SPTBN1: variants seen among roughly 807,000 people sequenced by gnomAD.
SPTBN1 encodes the protein spectrin beta, non-erythrocytic 1.
Under a neutral mutation model 266.4 loss-of-function variants are expected in SPTBN1, and 32 were observed. That is an observed-to-expected ratio of 0.12 (90% CI 0.09 to 0.16). The LOEUF (loss-of-function observed/expected upper bound fraction) is 0.16, where lower values mean the gene tolerates loss of function less well. SPTBN1 is among the 10% of genes least tolerant of loss of function. The probability of loss-of-function intolerance (pLI) is 1.00; values close to 1 mark genes in which losing one functional copy is unlikely to be tolerated. For missense variants in SPTBN1, 2,296 were observed against 3,067.1 expected (o/e 0.75, Z 5.94); for synonymous variants, 1,336 against 1,162.2 (o/e 1.15, Z -3.04).
At chr2:54,625,562 G>T (rs1406403394) in intron 11 of SPTBN1, among the ~76,000 whole-genome samples, 2 of 149,536 alleles carry the variant, frequency 1.3e-5, no homozygotes, top group South Asian at 4.3e-4. Context: ...TGGAGGGGGG[G>T]TGGCGCGGGA....
At chr2:54,550,849 A>G (rs1246339363) in intron 2 of SPTBN1, among the ~76,000 whole-genome samples, 1 of 152,212 alleles carries the variant, frequency 6.6e-6, no homozygotes, top group East Asian at 1.9e-4. Flanking sequence ...GGTCCCTCCA[A>G]TAGCCTATGC....
chr2:54,525,702 C>T (rs560752809), intron 1 of SPTBN1, among the ~76,000 whole-genome samples: 3 of 152,330 alleles, frequency 2.0e-5, no homozygotes, highest in East Asian at 1.9e-4. Flanking sequence ...AGAAGCCCCA[C>T]GTAGGTGTTG....
chr2:54,644,768 C>T (rs1196578183), intron 20 of SPTBN1, among the ~76,000 whole-genome samples, 182 bp downstream of exon 20: 2 of 152,114 alleles, frequency 1.3e-5, no homozygotes, highest in Middle Eastern at 3.2e-3. Context: ...GACACTTGTC[C>T]AAACTAGAAA....
intron 2 of SPTBN1, among the ~76,000 whole-genome samples, chr2:54,595,015 G>A (rs1394148221): frequency 1.3e-5 from 2 of 151,894 alleles, no homozygotes; most frequent in Non-Finnish European, 2.9e-5. Context: ...TGTATTTTTA[G>A]TAGAGACAGA....
intron 1 of SPTBN1, among the ~76,000 whole-genome samples, chr2:54,521,489 T>A (rs1670436850): frequency 6.6e-6 from 1 of 152,162 alleles, no homozygotes; most frequent in Non-Finnish European, 1.5e-5. Context: ...GACACTTGAG[T>A]GAAACAGTTG....
At chr2:54,583,973 C>A (rs1675116976) in intron 2 of SPTBN1, among the ~76,000 whole-genome samples, 1 of 152,184 alleles carries the variant, frequency 6.6e-6, no homozygotes, top group Admixed American at 6.5e-5. Context: ...AAACAGAAAA[C>A]CAGCAGTGTA....
chr2:54,479,709 A>G (rs1198712957), intron 1 of SPTBN1, among the ~76,000 whole-genome samples: 1 of 152,238 alleles, frequency 6.6e-6, no homozygotes, highest in East Asian at 1.9e-4. Flanking sequence ...ATGCAATAAA[A>G]CATGTAAAGT....
intron 1 of SPTBN1, among the ~76,000 whole-genome samples, chr2:54,465,921 T>C (rs1188724399): frequency 6.6e-6 from 1 of 152,094 alleles, no homozygotes; most frequent in Non-Finnish European, 1.5e-5. Flanking sequence ...ATTAATGAAT[T>C]TCCATTAATT....
At chr2:54,602,938 G>A (rs925235213) in intron 3 of SPTBN1, among the ~76,000 whole-genome samples, 4 of 152,150 alleles carry the variant, frequency 2.6e-5, no homozygotes, top group Non-Finnish European at 5.9e-5. Flanking sequence ...ATGGAACCTC[G>A]TTGGGGTTTC....
rs775081478 is a variant in SPTBN1 at position 54,628,059 on chromosome 2, T to C, written c.1645-38T>C. 2 of 1,579,704 alleles carry C rather than the reference T, an allele frequency of 1.3e-6. No individual in the cohort carries two copies. The highest frequency in any genetic ancestry group is 1.2e-5 in the South Asian group (1 of 85,134). The stretch of plus-strand genomic sequence containing the variant: ...TGATGTGATGCTGAAGTCAAGGCTA[T>C]AGTCACAGATGTCCTTTTGGTTGCT... On this transcript the variant is annotated intron_variant, in intron 12 of 35. Transcript: ENST00000356805. The surrounding 1 kb of genome is among the most constrained non-coding windows in gnomAD (Gnocchi z 4.3).
Position 54,558,148 on chromosome 2 carries a change from C to G in SPTBN1, c.148+31582C>G, listed in dbSNP as rs756455533. On this transcript the variant is annotated intron_variant, in intron 2 of 35. Transcript: ENST00000356805. This position sits in a 1 kb window ranked among gnomAD's most constrained non-coding sequence, Gnocchi z 4.6. ...TCCAGCAGCTCTGTTTGGGAAGGCACTACCGCGGCGAGTCCAGGGCCCGGC... is the reference window on the plus strand; with the variant it reads ...TCCAGCAGCTCTGTTTGGGAAGGCAGTACCGCGGCGAGTCCAGGGCCCGGC... 12 of 985,300 alleles carry G rather than the reference C, an allele frequency of 1.2e-5. No homozygotes were observed. Among genetic ancestry groups the G allele is most frequent in the Admixed American group, 6.1e-5 (1 of 16,262 alleles). 61.0% of individuals were successfully genotyped at this position (985,300 alleles called of 1,614,324 possible). A position where few individuals can be genotyped will look rare whatever the true frequency, so the allele number is the denominator to read the frequency against.
chr2:54,461,574 A>G (rs1333388929), intron 1 of SPTBN1, among the ~76,000 whole-genome samples: 1 of 152,244 alleles, frequency 6.6e-6, no homozygotes, highest in Non-Finnish European at 1.5e-5. Context: ...CACTAGCCAT[A>G]AGTGTTACAG....
chr2:54,642,802 A>G (rs1240069448), intron 18 of SPTBN1, among the ~76,000 whole-genome samples, 181 bp from the exon 19 acceptor site: 2 of 152,196 alleles, frequency 1.3e-5, no homozygotes, highest in African/African-American at 4.8e-5. Context: ...GCTCAGGTAC[A>G]AGCTCCATCT....
chr2:54,541,714 C>A (rs1186531618), intron 2 of SPTBN1, among the ~76,000 whole-genome samples: 1 of 152,082 alleles, frequency 6.6e-6, no homozygotes, highest in Non-Finnish European at 1.5e-5. Context: ...GAGATGTAAC[C>A]TATAACTGAC....
chr2:54,486,718 T>TA (rs999327326), intron 1 of SPTBN1, among the ~76,000 whole-genome samples: 9 of 138,650 alleles, frequency 6.5e-5, no homozygotes, highest in Non-Finnish European at 9.4e-5. Context: ...AATGATCAAT[T>TA]AAAAAAAAAT....
chr2:54,565,880 C>G (rs1418767723), intron 2 of SPTBN1, among the ~76,000 whole-genome samples: 1 of 152,236 alleles, frequency 6.6e-6, no homozygotes, highest in East Asian at 1.9e-4. Flanking sequence ...TGAACACTGA[C>G]AATTCCAGTA....
At chr2:54,637,588 T>C in intron 17 of SPTBN1, 125 bp from the exon 18 acceptor site, 1 of 740,034 alleles carries the variant, frequency 1.4e-6, no homozygotes, top group Non-Finnish European at 2.2e-6. Flanking sequence ...CTTCACATTA[T>C]TGAGAACTGC....
intron 2 of SPTBN1, chr2:54,534,917 C>T (rs1671510232): frequency 6.6e-6 from 1 of 152,478 alleles, no homozygotes; most frequent in Admixed American, 6.5e-5. Context: ...CTTCCTCAGT[C>T]ACCTCAGAGA....
chr2:54,535,819 C>T (rs1228942559), intron 2 of SPTBN1, among the ~76,000 whole-genome samples: 1 of 152,208 alleles, frequency 6.6e-6, no homozygotes, highest in East Asian at 1.9e-4. Flanking sequence ...CATGACCAGC[C>T]TGGCCAACAT....
Sources: gnomAD v4.1 joint callset for allele counts (sites outside exome capture counted in the v4.1 genomes callset) on GRCh38, gnomAD v4.1.1 for gene constraint, Gnocchi (gnomAD v3.1) non-coding constraint, MANE v1.5 for transcripts, NCBI Gene and HGNC (gene_info 2026-07-23, HGNC 2026-07-21) for gene names.